Variants in SLC25A1 observed in about 807,000 individuals in gnomAD.
The protein encoded by SLC25A1 is solute carrier family 25 member 1.
In SLC25A1, 26 loss-of-function variants were observed where a neutral mutation model predicts 38.1. The observed-to-expected ratio is 0.68, with a 90% CI of 0.50 to 0.95. The LOEUF is 0.95. SLC25A1 is among the 40% of genes least tolerant of loss of function. The pLI is 0.00. For missense variants in SLC25A1, 378 were observed against 426.6 expected (o/e 0.89, Z 1.00); for synonymous variants, 211 against 183.2 (o/e 1.15, Z -1.23).
chr22:19,176,467 T>G lies in SLC25A1; in HGVS notation c.775A>C (p.Thr259Pro). ...AGGATCTGCAAGCCGCAGTCCCACG[T>G]GTTCCGGTATTTGTGCGCCTCCAGG... ...QGLEAHKYRN[T>P]WDCGLQILKK... Residue 259 changes from threonine to proline, a missense_variant, in exon 8 of 9, where the codon ACG becomes CCG. Transcript: ENST00000215882. 1 of 1,613,832 alleles carries G rather than the reference T, an allele frequency of 6.2e-7. No individual in the cohort carries two copies. The highest frequency in any genetic ancestry group is 8.5e-7 in the Non-Finnish European group (1 of 1,180,000).
intron 7 of SLC25A1, 32 bp downstream of exon 7, chr22:19,176,546 C>T (rs782333529): frequency 4.3e-6 from 7 of 1,611,116 alleles, no homozygotes; most frequent in Non-Finnish European, 5.1e-6. Context: ...TGGCCTGGTC[C>T]CCCCTTCCCC....
Position 19,175,729 on chromosome 22 carries a change from C to T in SLC25A1, c.*401G>A. On this transcript the variant is annotated 3_prime_UTR_variant, in exon 9 of 9. Coordinates refer to ENST00000215882, the MANE Select transcript of SLC25A1 (RefSeq NM_005984.5). ...CTGCAGCCCCTGGAATGCGGTGAAG[C>T]CAGGCCGAGGCCCGGAGGCAGCTGT... 1 of 218,650 alleles carries T rather than the reference C, an allele frequency of 4.6e-6. No homozygotes were observed. The allele number at this position is 218,650 out of a possible 1,614,324, so 13.5% of individuals were successfully genotyped here.
chr22:19,177,211 G>C lies in SLC25A1; in HGVS notation c.442-7C>G. On this transcript the variant is annotated splice_polypyrimidine_tract_variant and splice_region_variant and intron_variant, in intron 4 of 8. Transcript: ENST00000215882. ...GGTCGTGGATGAACTTCACCTGAGAGAGAGAAGCAAAGGCGCAGGTTCTCG... is the reference window on the plus strand; with the variant it reads ...GGTCGTGGATGAACTTCACCTGAGACAGAGAAGCAAAGGCGCAGGTTCTCG... 1 of 1,613,322 alleles carries C rather than the reference G, an allele frequency of 6.2e-7. No individual in the cohort carries two copies. Among genetic ancestry groups the C allele is most frequent in the Non-Finnish European group, 8.5e-7 (1 of 1,179,354 alleles).
rs782098613 is a variant in SLC25A1 at position 19,176,240 on chromosome 22, A to G, written c.826T>C (p.Tyr276His). ...ILKKEGLKAF[Y>H]KGTVPRLGRV... is the part of the protein sequence containing the mutation. ...CCCAGGCGGGGGACAGTGCCCTTGT[A>G]GAATCTGGGTGGGAGGAGGGGCGGG... is the stretch of plus-strand genomic sequence containing the variant. Residue 276 changes from tyrosine to histidine, a missense_variant, in exon 9 of 9, where the codon TAC becomes CAC. Transcript: ENST00000215882. 3 of 1,610,464 alleles carry G rather than the reference A, an allele frequency of 1.9e-6. No homozygotes were observed. The highest frequency in any genetic ancestry group is 2.5e-6 in the Non-Finnish European group (3 of 1,177,856).
chr22:19,175,966 CA>C lies in SLC25A1; in HGVS notation c.*163del, dbSNP rs1486161571. ...CAGTGGTGGTGTCACACACAGACCA[CA>C]GGGGGGACACATGGATTTGACAGCC... On this transcript the variant is annotated 3_prime_UTR_variant, in exon 9 of 9. Coordinates refer to ENST00000215882, the MANE Select transcript of SLC25A1 (RefSeq NM_005984.5). 2 of 562,896 alleles carry C rather than the reference CA, an allele frequency of 3.6e-6. No individual in the cohort carries two copies. The highest frequency in any genetic ancestry group is 1.8e-5 in the South Asian group (1 of 55,148). 34.9% of individuals were successfully genotyped at this position (562,896 alleles called of 1,614,324 possible).
intron 4 of SLC25A1, 107 bp from the exon 5 acceptor site, chr22:19,177,311 C>G: frequency 6.5e-6 from 6 of 927,912 alleles, no homozygotes; most frequent in Non-Finnish European, 1.0e-5. Context: ...GGGAACTCTT[C>G]CCCAGGAAGC....
rs1555922140 is a variant in SLC25A1, at chr22:19,175,941, CAG to C, written c.*187_*188del. 1 of 266,686 alleles carries C rather than the reference CAG, an allele frequency of 3.7e-6. No individual in the cohort carries two copies. Among genetic ancestry groups the C allele is most frequent in the African/African-American group, 8.5e-5 (1 of 11,736 alleles). The allele number at this position is 266,686 out of a possible 1,614,324, so 16.5% of individuals were successfully genotyped here. On this transcript the variant is annotated 3_prime_UTR_variant, in exon 9 of 9. Transcript: ENST00000215882. ...CATGGCTGGGCCAGACACTGGGACA[CAG>C]TGGTGGTGTCACACACAGACCACAG...
At position 19,177,722 on chromosome 22, in the gene SLC25A1, C is replaced by T; in HGVS notation, c.441+5G>A. On this transcript the variant is annotated splice_donor_5th_base_variant and intron_variant, in intron 4 of 8. Transcript: ENST00000215882. ...GTCCGGGGTCCTCGCCAGGACCTTC[C>T]CCACCTTGATGGTCTCCATGGGGCA... The T allele has an allele frequency of 6.2e-7, 1 of 1,606,788 alleles. No homozygotes were observed. Among genetic ancestry groups the T allele is most frequent in the Non-Finnish European group, 8.5e-7 (1 of 1,179,446 alleles).
Position 19,178,340 on chromosome 22 carries a change from G to C in SLC25A1, c.95-100C>G, listed in dbSNP as rs2084005430. 4 of 1,507,990 alleles carry C rather than the reference G, an allele frequency of 2.7e-6. No individual in the cohort carries two copies. The highest frequency in any genetic ancestry group is 4.3e-4 in the Middle Eastern group (2 of 4,704). 93.4% of individuals were successfully genotyped at this position (1,507,990 alleles called of 1,614,324 possible). On this transcript the variant is annotated intron_variant, in intron 1 of 8. Coordinates refer to ENST00000215882, the MANE Select transcript of SLC25A1 (RefSeq NM_005984.5). The surrounding 1 kb of genome is among the most constrained non-coding windows in gnomAD (Gnocchi z 4.9). ...TTCGGTCGGCGCGGCCGCCGCGCCAGTGCCGCGGGGAACATAGGCTGGGGC... is the reference window on the plus strand; with the variant it reads ...TTCGGTCGGCGCGGCCGCCGCGCCACTGCCGCGGGGAACATAGGCTGGGGC...
chr22:19,176,214 G>A lies in SLC25A1; in HGVS notation c.852C>T (p.Gly284=), dbSNP rs782641232. ...AFYKGTVPRL[G]RVCLDVAIVF... ...CTATGGCCACATCCAGGCAGACCCGGCCCAGGCGGGGGACAGTGCCCTTGT... is the reference window on the plus strand; with the variant it reads ...CTATGGCCACATCCAGGCAGACCCGACCCAGGCGGGGGACAGTGCCCTTGT... The change falls in exon 9 of 9, where the codon GGC becomes GGT. Residue 284 remains glycine (G), a synonymous_variant. Coordinates refer to ENST00000215882, the MANE Select transcript of SLC25A1 (RefSeq NM_005984.5). 1.2e-6 allele frequency: 2 copies of A among 1,613,204 alleles called. No individual in the cohort carries two copies. The highest frequency in any genetic ancestry group is 2.7e-5 in the African/African-American group (2 of 74,928).
chr22:19,178,310 C>A lies in SLC25A1; in HGVS notation c.95-70G>T, dbSNP rs558632091. ...TGGCGCTCGGGCCCCTCCCCCGTCC[C>A]GGACTTCGGTCGGCGCGGCCGCCGC... On this transcript the variant is annotated intron_variant, in intron 1 of 8. Transcript: ENST00000215882. This position sits in a 1 kb window ranked among gnomAD's most constrained non-coding sequence, Gnocchi z 4.9. 4.6e-6 allele frequency: 7 copies of A among 1,530,042 alleles called. No individual in the cohort carries two copies. Among genetic ancestry groups the A allele is most frequent in the Non-Finnish European group, 5.3e-6 (6 of 1,138,600 alleles). The allele number at this position is 1,530,042 out of a possible 1,614,324, so 94.8% of individuals were successfully genotyped here. A position where few individuals can be genotyped will look rare whatever the true frequency, so the allele number is the denominator to read the frequency against.
chr22:19,178,292 C>T lies in SLC25A1; in HGVS notation c.95-52G>A. ...AGACTCCCGCCCGGCCGCTGGCGCT[C>T]GGGCCCCTCCCCCGTCCCGGACTTC... On this transcript the variant is annotated intron_variant, in intron 1 of 8. Coordinates refer to ENST00000215882, the MANE Select transcript of SLC25A1 (RefSeq NM_005984.5). This position sits in a 1 kb window ranked among gnomAD's most constrained non-coding sequence, Gnocchi z 4.9. 1 of 1,537,840 alleles carries T rather than the reference C, an allele frequency of 6.5e-7. No individual in the cohort carries two copies. The highest frequency in any genetic ancestry group is 8.8e-7 in the Non-Finnish European group (1 of 1,141,730).
chr22:19,177,549 C>A (rs1429348099), intron 4 of SLC25A1, among the ~76,000 whole-genome samples, 178 bp downstream of exon 4: 1 of 152,238 alleles, frequency 6.6e-6, no homozygotes, highest in Admixed American at 6.5e-5. Flanking sequence ...TCAGCCTCCA[C>A]GGGTGGCCCT....
chr22:19,178,367 C>A lies in SLC25A1; in HGVS notation c.95-127G>T. On this transcript the variant is annotated intron_variant, in intron 1 of 8. Coordinates refer to ENST00000215882, the MANE Select transcript of SLC25A1 (RefSeq NM_005984.5). The surrounding 1 kb of genome is among the most constrained non-coding windows in gnomAD (Gnocchi z 4.9). ...GCCGCGGGGAACATAGGCTGGGGCC[C>A]CACGCCCCCATGCCCTCACCCCGTT... The A allele has an allele frequency of 6.8e-7, 1 of 1,473,054 alleles. No homozygotes were observed. Among genetic ancestry groups the A allele is most frequent in the Non-Finnish European group, 9.0e-7 (1 of 1,115,860 alleles). 91.2% of individuals were successfully genotyped at this position (1,473,054 alleles called of 1,614,324 possible).
chr22:19,176,271 G>A (rs782483824), intron 8 of SLC25A1, 27 bp from the exon 9 acceptor site: 2 of 1,590,172 alleles, frequency 1.3e-6, no homozygotes, highest in South Asian at 1.1e-5. Context: ...GCGGGGAGAG[G>A]AAGGCAGGTC....
chr22:19,177,911 C>A (rs782167390), intron 3 of SLC25A1, 31 bp downstream of exon 3: 14 of 1,584,114 alleles, frequency 8.8e-6, no homozygotes, highest in South Asian at 1.1e-5. Flanking sequence ...GCCGAGCCCC[C>A]CTCCCGCAGC....
chr22:19,176,300 A>C (rs2083958812), intron 8 of SLC25A1, 56 bp from the exon 9 acceptor site: 1 of 1,556,714 alleles, frequency 6.4e-7, no homozygotes, highest in African/African-American at 1.4e-5. Context: ...GTCCCTGCAC[A>C]GGGCAATCCC....
At position 19,177,218 on chromosome 22, in the gene SLC25A1, G is replaced by A. The variant is rs782536653; in HGVS notation, c.442-14C>T. 3.1e-6 allele frequency: 5 copies of A among 1,611,098 alleles called. No individual in the cohort carries two copies. Among genetic ancestry groups the A allele is most frequent in the Middle Eastern group, 1.7e-4 (1 of 6,056 alleles). On this transcript the variant is annotated splice_polypyrimidine_tract_variant and intron_variant, in intron 4 of 8. Coordinates refer to ENST00000215882, the MANE Select transcript of SLC25A1 (RefSeq NM_005984.5). ...GATGAACTTCACCTGAGAGAGAGAA[G>A]CAAAGGCGCAGGTTCTCGGCTGCCA...
At position 19,178,018 on chromosome 22, in the gene SLC25A1, G is replaced by A. The variant is rs1555923178; in HGVS notation, c.226C>T (p.Arg76Cys). The A allele has an allele frequency of 1.3e-6, 2 of 1,598,166 alleles. No homozygotes were observed. The highest frequency in any genetic ancestry group is 2.3e-5 in the East Asian group (1 of 44,212). ...GIGDCVRQTV[R>C]SHGVLGLYRG... ...TACAGGCCCAGGACGCCATGGCTGC[G>A]AACCGTCTGCCGCACGCAGTCCCCT... The change falls in exon 3 of 9, where the codon CGC becomes TGC. Residue 76 changes from arginine (R) to cysteine (C), a missense_variant. Transcript: ENST00000215882. This position sits in a 1 kb window ranked among gnomAD's most constrained non-coding sequence, Gnocchi z 4.9.
Sources: allele counts gnomAD v4.1 joint callset (sites outside exome capture counted in the v4.1 genomes callset), GRCh38; gene constraint gnomAD v4.1.1; non-coding constraint Gnocchi (gnomAD v3.1); transcripts MANE v1.5; gene names NCBI Gene and HGNC (gene_info 2026-07-23, HGNC 2026-07-21).